The following RAB3GAP2 variants were observed in gnomAD, a reference collection of about 807,000 sequenced individuals.
RAB3GAP2 encodes rab3 GTPase-activating protein non-catalytic subunit.
RAB3GAP2 carries 87 observed loss-of-function variants against 185.3 expected under a neutral mutation model. The observed-to-expected ratio is 0.47, with a 90% confidence interval of 0.39 to 0.56. The LOEUF (loss-of-function observed/expected upper bound fraction) is 0.56, where lower values mean the gene tolerates loss of function less well. RAB3GAP2 is among the 20% of genes least tolerant of loss of function. The probability of loss-of-function intolerance (pLI) is 0.00; values close to 1 mark genes in which losing one functional copy is unlikely to be tolerated. For synonymous variants in RAB3GAP2, 554 were observed against 576.1 expected (o/e 0.96, Z 0.55); for missense variants, 1,492 against 1,638.2 (o/e 0.91, Z 1.54).
intron 1 of RAB3GAP2, among the ~76,000 whole-genome samples, chr1:220,259,767 CT>C (rs1288571286): frequency 6.6e-6 from 1 of 152,144 alleles, no homozygotes; most frequent in East Asian, 1.9e-4. Flanking sequence ...AAAAGAGCTT[CT>C]GCACAGCAAA....
At chr1:220,182,378 A>G (rs775634068) in intron 20 of RAB3GAP2, 24 bp from the exon 21 acceptor site, 11 of 1,613,744 alleles carry the variant, frequency 6.8e-6, no homozygotes, top group Non-Finnish European at 8.5e-6. Flanking sequence ...AACAAAGCAC[A>G]TTAATCAATG....
At position 220,151,260 on chromosome 1, in the gene RAB3GAP2, A is replaced by G. The variant is rs998863335; in HGVS notation, c.4173T>C (p.Pro1391=). The G allele has an allele frequency of 1.9e-6, 3 of 1,613,790 alleles. No individual in the cohort carries two copies. The highest frequency in any genetic ancestry group is 2.7e-5 in the African/African-American group (2 of 74,936). The part of the protein sequence containing the change: ...LIEAVEAISL[P]SL ...TTCCAGTAGGTAAGTGTCATAAAGA[A>G]GGAAGAGATATGGCTTCCACAGCTT... Residue 1391 remains proline, a synonymous_variant, in exon 35 of 35, where the codon CCT becomes CCC. Transcript: ENST00000358951.
chr1:220,200,778 G>C, intron 9 of RAB3GAP2: 2 of 378,938 alleles, frequency 5.3e-6, no homozygotes, highest in South Asian at 2.1e-5. Context: ...GCAGTAAATA[G>C]AAAGATGGCC....
chr1:220,173,721 C>T lies in RAB3GAP2; in HGVS notation c.2311-979G>A, dbSNP rs141434909. On this transcript the variant is annotated intron_variant, in intron 21 of 34. Coordinates refer to ENST00000358951, the MANE Select transcript of RAB3GAP2 (RefSeq NM_012414.4). ...GCTCATACGGGAAAGCTAACATGTCCAGCACTACAGTTAATGAGTTAGAAC... is the reference window on the plus strand; with the variant it reads ...GCTCATACGGGAAAGCTAACATGTCTAGCACTACAGTTAATGAGTTAGAAC... Among the ~76,000 whole-genome samples, 352 of 152,144 alleles carry T rather than the reference C, an allele frequency of 2.3e-3. 3 individuals carry two copies. The highest frequency in any genetic ancestry group is 7.6e-3 in the African/African-American group (316 of 41,536).
chr1:220,203,471 T>G (rs1036557441), intron 8 of RAB3GAP2, among the ~76,000 whole-genome samples: 4 of 152,212 alleles, frequency 2.6e-5, no homozygotes, highest in African/African-American at 7.2e-5. Flanking sequence ...TATGGCTAAG[T>G]AACCAGAACT....
At chr1:220,172,508 A>C in intron 22 of RAB3GAP2, 129 bp downstream of exon 22, 1 of 666,228 alleles carries the variant, frequency 1.5e-6, no homozygotes, top group East Asian at 2.7e-5. Flanking sequence ...AATACATAAA[A>C]GAATCTCTAC....
At chr1:220,245,613 G>C (rs1356517961) in intron 1 of RAB3GAP2, among the ~76,000 whole-genome samples, 1 of 152,048 alleles carries the variant, frequency 6.6e-6, no homozygotes, top group Non-Finnish European at 1.5e-5. Context: ...CATTGCCCAG[G>C]CTTGCTTAGG....
At chr1:220,179,299 A>G (rs1158302921) in intron 21 of RAB3GAP2, among the ~76,000 whole-genome samples, 1 of 151,922 alleles carries the variant, frequency 6.6e-6, no homozygotes, top group Non-Finnish European at 1.5e-5. Context: ...ACAATGAAAA[A>G]AGAGTCAATT....
intron 7 of RAB3GAP2, among the ~76,000 whole-genome samples, chr1:220,208,773 G>A (rs1209365849): frequency 6.6e-6 from 1 of 151,612 alleles, no homozygotes; most frequent in Non-Finnish European, 1.5e-5. Context: ...CTGGAGTGTA[G>A]TGGCAAGATC....
Position 220,153,311 on chromosome 1 carries a change from C to A in RAB3GAP2, c.3741G>T (p.Gly1247=), listed in dbSNP as rs1282251535. ...CTAGAGCTGGCCAATCTTGGTCTTT[C>A]CCAAAAGGAGTGGGTGTGGCCTCTT... ...PTEEATPTPF[G]KDQDWPALAV... is the part of the protein sequence containing the mutation. Residue 1247 remains glycine (G), a synonymous_variant, in exon 33 of 35, where the codon GGG becomes GGT. Transcript: ENST00000358951. The A allele has an allele frequency of 1.9e-6, 3 of 1,614,174 alleles. No homozygotes were observed. Among genetic ancestry groups the A allele is most frequent in the Non-Finnish European group, 2.5e-6 (3 of 1,180,012 alleles).
chr1:220,166,831 C>A (rs934807906), intron 26 of RAB3GAP2, among the ~76,000 whole-genome samples: 1 of 152,168 alleles, frequency 6.6e-6, no homozygotes, highest in African/African-American at 2.4e-5. Context: ...CTAGGTTGAT[C>A]TCAGGACCTT....
chr1:220,151,934 C>A (rs1412477565), intron 33 of RAB3GAP2, among the ~76,000 whole-genome samples, 170 bp from the exon 34 acceptor site: 2 of 152,138 alleles, frequency 1.3e-5, no homozygotes, highest in Non-Finnish European at 2.9e-5. Flanking sequence ...GCATTTAAAC[C>A]CAAATTTCTG....
At chr1:220,257,061 C>T (rs887690209) in intron 1 of RAB3GAP2, among the ~76,000 whole-genome samples, 4 of 152,156 alleles carry the variant, frequency 2.6e-5, no homozygotes, top group Admixed American at 6.5e-5. Flanking sequence ...ACAGAACAAT[C>T]GAATTAGAAT....
chr1:220,215,506 A>T (rs541113049), intron 2 of RAB3GAP2, among the ~76,000 whole-genome samples: 13 of 152,296 alleles, frequency 8.5e-5, no homozygotes, highest in Non-Finnish European at 1.2e-4. Flanking sequence ...TCATTTTTAT[A>T]TAAAGGAAAG....
chr1:220,213,088 C>A, intron 3 of RAB3GAP2, 120 bp from the exon 4 acceptor site: 1 of 664,470 alleles, frequency 1.5e-6, no homozygotes, highest in Non-Finnish European at 2.5e-6. Flanking sequence ...TGTGTATTAA[C>A]TGACTTGGGT....
chr1:220,223,694 TA>T (rs199729434), intron 2 of RAB3GAP2, among the ~76,000 whole-genome samples: 11,269 of 143,658 alleles, frequency 0.078, 525 homozygotes, highest in South Asian at 0.13. Context: ...ATATTTCACT[TA>T]AAAAAAAAAA....
At chr1:220,232,171 T>C (rs1193584042) in intron 2 of RAB3GAP2, among the ~76,000 whole-genome samples, 1 of 152,182 alleles carries the variant, frequency 6.6e-6, no homozygotes, top group African/African-American at 2.4e-5. Context: ...GAATAATTTA[T>C]GAAAGATAAA....
intron 19 of RAB3GAP2, among the ~76,000 whole-genome samples, chr1:220,183,498 G>A (rs181814942): frequency 8.2e-4 from 125 of 151,788 alleles, no homozygotes; most frequent in Admixed American, 1.5e-3. Context: ...AGTGATCCTC[G>A]CACCTCAGCT....
chr1:220,234,269 A>G (rs184103230), intron 1 of RAB3GAP2, among the ~76,000 whole-genome samples: 128 of 151,786 alleles, frequency 8.4e-4, no homozygotes, highest in Admixed American at 2.5e-3. Flanking sequence ...TCAGCTTTAA[A>G]ATTCTGGGGG....
Sources: gnomAD v4.1 joint callset for allele counts (sites outside exome capture counted in the v4.1 genomes callset) on GRCh38, gnomAD v4.1.1 for gene constraint, MANE v1.5 for transcripts, NCBI Gene and HGNC (gene_info 2026-07-23, HGNC 2026-07-21) for gene names.